HMMR: variants seen among roughly 807,000 people sequenced by gnomAD.
HMMR encodes hyaluronan mediated motility receptor.
In HMMR, 108 loss-of-function variants were observed where a neutral mutation model predicts 101.0. That is an observed-to-expected ratio of 1.07 (90% CI 0.92 to 1.25). The LOEUF (loss-of-function observed/expected upper bound fraction) is 1.25, where lower values mean the gene tolerates loss of function less well. Among genes scored for constraint, HMMR ranks in the 50% most tolerant of loss-of-function variants. HMMR has a pLI of 0.00. For missense variants in HMMR, 813 were observed against 788.7 expected (o/e 1.03, Z -0.37); for synonymous variants, 296 against 276.4 (o/e 1.07, Z -0.70).
At chr5:163,473,939 TTTC>T in intron 9 of HMMR, 115 bp from the exon 10 acceptor site, 2 of 803,800 alleles carry the variant, frequency 2.5e-6, no homozygotes, top group East Asian at 5.5e-5. Context: ...ACAGTTTTGT[TTTC>T]TTCTTTGGAA....
At chr5:163,472,021 T>C (rs1198743658) in intron 7 of HMMR, among the ~76,000 whole-genome samples, 1 of 151,192 alleles carries the variant, frequency 6.6e-6, no homozygotes, top group African/African-American at 2.4e-5. Flanking sequence ...ATAAATTAGC[T>C]TTGCCTTTTT....
At position 163,471,172 on chromosome 5, in the gene HMMR, T is replaced by G. The variant is rs764934470; in HGVS notation, c.463-13T>G. 2.7e-6 allele frequency: 4 copies of G among 1,504,764 alleles called. No individual in the cohort carries two copies. In the South Asian group the frequency reaches 4.6e-5, roughly 17 times the overall value. The allele number at this position is 1,504,764 out of a possible 1,614,324, so 93.2% of individuals were successfully genotyped here. ...AAATATTTCTGAATTTTTTACGTGTTTGTTGTATTTAGTTTTCTGAAAATG... is the reference window on the plus strand; with the variant it reads ...AAATATTTCTGAATTTTTTACGTGTGTGTTGTATTTAGTTTTCTGAAAATG... On this transcript the variant is annotated splice_polypyrimidine_tract_variant and intron_variant, in intron 5 of 17. Transcript: ENST00000393915.
At chr5:163,472,779 G>T (rs768155582) in intron 7 of HMMR, among the ~76,000 whole-genome samples, 1 of 152,170 alleles carries the variant, frequency 6.6e-6, no homozygotes, top group Non-Finnish European at 1.5e-5. Flanking sequence ...GCATTGGACA[G>T]TTTGGTGGAG....
intron 10 of HMMR, among the ~76,000 whole-genome samples, chr5:163,474,961 A>G (rs752969876): frequency 6.6e-6 from 1 of 152,080 alleles, no homozygotes; most frequent in Non-Finnish European, 1.5e-5. Flanking sequence ...CAGAAGGCAT[A>G]TATATTCCAA....
chr5:163,485,951 T>G (rs984418456), intron 16 of HMMR, among the ~76,000 whole-genome samples: 3 of 152,214 alleles, frequency 2.0e-5, no homozygotes, highest in African/African-American at 7.2e-5. Flanking sequence ...AAAAAATCAT[T>G]TAGACTGTAC....
intron 3 of HMMR, chr5:163,465,206 T>C (rs1247906496): frequency 5.6e-6 from 1 of 178,890 alleles, no homozygotes; most frequent in East Asian, 1.7e-4. Context: ...AGAGGTTTGC[T>C]ACTGAGAAAC....
intron 4 of HMMR, among the ~76,000 whole-genome samples, 180 bp from the exon 5 acceptor site, chr5:163,469,461 C>T (rs2113467810): frequency 6.6e-6 from 1 of 151,446 alleles, no homozygotes; most frequent in East Asian, 1.9e-4. Context: ...TGCATTAAGA[C>T]TTTTAAGATG....
In HMMR at chr5:163,467,881, A is replaced by T. The variant is rs551749048; in HGVS notation, c.273+133A>T. On this transcript the variant is annotated intron_variant, in intron 4 of 17. Transcript: ENST00000393915. Reference sequence around the variant, plus strand: ...AAACATGCCATCCAGAACAGTGCCTACAGGAAAACAGTTCTTACAGTATTT... The same window carrying T: ...AAACATGCCATCCAGAACAGTGCCTTCAGGAAAACAGTTCTTACAGTATTT... The T allele has an allele frequency of 8.2e-4, 479 of 580,746 alleles. 11 individuals are homozygous for T. The South Asian group carries it at 8.9e-3, about 11-fold the overall frequency. The allele number at this position is 580,746 out of a possible 1,614,324, so 36.0% of individuals were successfully genotyped here. A position where few individuals can be genotyped will look rare whatever the true frequency, so the allele number is the denominator to read the frequency against.
At chr5:163,470,204 G>A (rs1237601210) in intron 5 of HMMR, among the ~76,000 whole-genome samples, 1 of 152,066 alleles carries the variant, frequency 6.6e-6, no homozygotes, top group Non-Finnish European at 1.5e-5. Context: ...TACACCAGGC[G>A]ATTCAGATTC....
chr5:163,472,033 T>A (rs1015795089), intron 7 of HMMR, among the ~76,000 whole-genome samples: 31 of 148,662 alleles, frequency 2.1e-4, no homozygotes, highest in Admixed American at 2.0e-3. Context: ...TGCCTTTTTT[T>A]ATTTATTATT....
rs1455282950 is a variant in HMMR, at chr5:163,474,127, G to A, written c.975G>A (p.Lys325=). ...LNAEMQNLKQ[K]FILEQQEREK... Reference sequence around the variant, plus strand: ...CAGAGATGCAAAACTTAAAACAGAAGTTTATTCTTGAACAACAGGAACGTG... The same window carrying A: ...CAGAGATGCAAAACTTAAAACAGAAATTTATTCTTGAACAACAGGAACGTG... The change falls in exon 10 of 18, where the codon AAG becomes AAA. Residue 325 remains lysine, a synonymous_variant. Coordinates refer to ENST00000393915, the MANE Select transcript of HMMR (RefSeq NM_001142556.2). 5 of 1,611,350 alleles carry A rather than the reference G, an allele frequency of 3.1e-6. No homozygotes were observed. The highest frequency in any genetic ancestry group is 4.2e-6 in the Non-Finnish European group (5 of 1,178,298).
At position 163,475,470 on chromosome 5, in the gene HMMR, A is replaced by G. The variant is rs1168698656; in HGVS notation, c.1066A>G (p.Ser356Gly). 1 of 1,587,952 alleles carries G rather than the reference A, an allele frequency of 6.3e-7. No individual in the cohort carries two copies. The highest frequency in any genetic ancestry group is 1.4e-5 in the African/African-American group (1 of 73,898). The change falls in exon 11 of 18, where the codon AGT becomes GGT. Residue 356 changes from serine to glycine, a missense_variant. Coordinates refer to ENST00000393915, the MANE Select transcript of HMMR (RefSeq NM_001142556.2). ...TGTTTGGATATAGGAATTATCTTCG[A>G]GTCTTCATCAGAAGCTCTGTTCTTT... ...LLQQEKELSS[S>G]LHQKLCSFQE...
At chr5:163,474,329 G>A in intron 10 of HMMR, 124 bp downstream of exon 10, 2 of 717,002 alleles carry the variant, frequency 2.8e-6, no homozygotes, top group Non-Finnish European at 4.6e-6. Flanking sequence ...GTCTTATCCT[G>A]AGGACATAAT....
At chr5:163,462,391 A>T (rs995740775) in intron 1 of HMMR, among the ~76,000 whole-genome samples, 10 of 151,950 alleles carry the variant, frequency 6.6e-5, no homozygotes, top group Non-Finnish European at 2.9e-5. Flanking sequence ...AAACCCCCAA[A>T]ATTTATATTT....
chr5:163,474,182 G>T lies in HMMR; in HGVS notation c.1030G>T (p.Asp344Tyr). The T allele has an allele frequency of 1.9e-6, 3 of 1,607,606 alleles. No homozygotes were observed. The highest frequency in any genetic ancestry group is 2.2e-5 in the East Asian group (1 of 44,680). ...EKLQQKELQI[D>Y]SLLQQEKELS... ...GCTTCAACAAAAAGAATTACAAATT[G>T]ATTCACTTCTGCAACAAGAGAAAGT... Residue 344 changes from aspartate (D) to tyrosine (Y), a missense_variant, in exon 10 of 18, where the codon GAT (aspartate) becomes TAT (tyrosine). Physicochemically the swap from Asp to Tyr is radical, Grantham distance 160. Transcript: ENST00000393915.
chr5:163,483,049 C>A lies in HMMR; in HGVS notation c.1562C>A (p.Ala521Glu). ...CTTCTAGATCTGCAGACCAAGTCAG[C>A]ACTAAAGGAAACAGAAATTAAAGAA... is the stretch of plus-strand genomic sequence containing the variant. ...RMLLDLQTKS[A>E]LKETEIKEIT... Residue 521 changes from alanine to glutamate, a missense_variant, in exon 14 of 18, where the codon GCA (alanine) becomes GAA (glutamate). By Grantham distance (107) the Ala-to-Glu change is moderately radical. Transcript: ENST00000393915. 6.2e-7 allele frequency: 1 copy of A among 1,611,480 alleles called. No homozygotes were observed. Among genetic ancestry groups the A allele is most frequent in the Non-Finnish European group, 8.5e-7 (1 of 1,178,934 alleles).
chr5:163,485,238 T>C (rs971978542), intron 16 of HMMR, among the ~76,000 whole-genome samples: 1 of 152,170 alleles, frequency 6.6e-6, no homozygotes, highest in Admixed American at 6.5e-5. Context: ...CAGGGTGGTA[T>C]GGCCATAGAA....
intron 16 of HMMR, among the ~76,000 whole-genome samples, chr5:163,488,437 A>G (rs1428041578): frequency 6.6e-6 from 1 of 152,112 alleles, no homozygotes; most frequent in Non-Finnish European, 1.5e-5. Context: ...TTGGAAAGTA[A>G]ATTTTTAGAT....
At chr5:163,486,736 A>G (rs1759487979) in intron 16 of HMMR, among the ~76,000 whole-genome samples, 1 of 152,236 alleles carries the variant, frequency 6.6e-6, no homozygotes, top group African/African-American at 2.4e-5. Context: ...GTCTTTCTCC[A>G]TGATATATGA....
Sources: allele counts gnomAD v4.1 joint callset (sites outside exome capture counted in the v4.1 genomes callset), GRCh38; gene constraint gnomAD v4.1.1; transcripts MANE v1.5; gene names NCBI Gene and HGNC (gene_info 2026-07-23, HGNC 2026-07-21).